LRCH3: variants seen among roughly 807,000 people sequenced by gnomAD.
LRCH3 encodes DISP complex protein LRCH3.
A neutral mutation model predicts 104.5 loss-of-function variants in LRCH3; 68 were observed. The observed-to-expected ratio is 0.65, with a 90% CI of 0.54 to 0.80. The LOEUF (loss-of-function observed/expected upper bound fraction) is 0.80. Ranked by LOEUF, LRCH3 falls within the 30% of genes least tolerant of loss-of-function variation. The pLI, the probability that LRCH3 is intolerant of heterozygous loss-of-function variation, is 0.00. For synonymous variants in LRCH3, 344 were observed against 361.3 expected (o/e 0.95, Z 0.54); for missense variants, 951 against 953.9 (o/e 1.00, Z 0.04).
rs1012481538 is a variant in LRCH3 at position 197,883,133 on chromosome 3, GTA to G, written c.2209-406_2209-405del. The G allele has an allele frequency of 1.0e-6, 1 of 986,966 alleles. No individual in the cohort carries two copies. The highest frequency in any genetic ancestry group is 1.7e-5 in the African/African-American group (1 of 57,232). The allele number at this position is 986,966 out of a possible 1,614,324, so 61.1% of individuals were successfully genotyped here. Reference sequence around the variant, plus strand: ...GGTAGGGAACTTACCCTCAAGTGTAGTATCTTTTACTCTTGAGCCATCTGGTA... The same window carrying G: ...GGTAGGGAACTTACCCTCAAGTGTAGTCTTTTACTCTTGAGCCATCTGGTA... On this transcript the variant is annotated intron_variant, in intron 20 of 20. Transcript: ENST00000425562. The surrounding 1 kb of genome is among the most constrained non-coding windows in gnomAD (Gnocchi z 4.2).
Position 197,870,204 on chromosome 3 carries a change from T to A in LRCH3, c.1918T>A (p.Ser640Thr). 6.2e-7 allele frequency: 1 copy of A among 1,612,988 alleles called. No individual in the cohort carries two copies. Residue 640 changes from serine (S) to threonine (T), a missense_variant, in exon 18 of 21, where the codon TCT becomes ACT. Transcript: ENST00000425562. ...TCCATCTGCTGCACCTACCACTGAT[T>A]CTACAGATTCCATAACAGGACAGAA... is the stretch of plus-strand genomic sequence containing the variant. ...LPPSAAPTTD[S>T]TDSITGQNSR... is the part of the protein sequence containing the mutation.
chr3:197,883,719 G>A lies in LRCH3; in HGVS notation c.*53G>A, dbSNP rs1580935608. 22 of 1,496,024 alleles carry A rather than the reference G, an allele frequency of 1.5e-5. No homozygotes were observed. The highest frequency in any genetic ancestry group is 5.0e-5 in the East Asian group (2 of 40,072). The allele number at this position is 1,496,024 out of a possible 1,614,324, so 92.7% of individuals were successfully genotyped here. ...TGGCCAAAACAAGGAACAGGACACC[G>A]TGATTGCTGCTGCCAGCTGTCTGCT... On this transcript the variant is annotated 3_prime_UTR_variant, in exon 21 of 21. Coordinates refer to ENST00000425562, the MANE Select transcript of LRCH3 (RefSeq NM_001365715.1). The surrounding 1 kb of genome is among the most constrained non-coding windows in gnomAD (Gnocchi z 4.2).
rs186554340 is a variant in LRCH3 at position 197,834,918 on chromosome 3, C to T, written c.1103-756C>T. The stretch of plus-strand genomic sequence containing the variant: ...CAGCACTTTGGGTGGCCACAGTGGG[C>T]GGATCGCTTGAGCCCAGGAGTTGGA... On this transcript the variant is annotated intron_variant, in intron 8 of 20. Coordinates refer to ENST00000425562, the MANE Select transcript of LRCH3 (RefSeq NM_001365715.1). 3.7e-3 allele frequency among the ~76,000 whole-genome samples: 561 copies of T among 152,160 alleles called. 4 individuals are homozygous for T. Among genetic ancestry groups the T allele is most frequent in the African/African-American group, 9.5e-3 (396 of 41,526 alleles).
At chr3:197,830,228 T>C (rs763376275) in intron 6 of LRCH3, among the ~76,000 whole-genome samples, 3 of 152,222 alleles carry the variant, frequency 2.0e-5, no homozygotes, top group Non-Finnish European at 4.4e-5. Flanking sequence ...GGTCATCTGC[T>C]TGGCAGTCCC....
rs1714125489 is a variant in LRCH3 at position 197,885,498 on chromosome 3, T to C, written c.*1832T>C. The C allele has an allele frequency of 6.6e-6, 1 of 152,214 alleles. No individual in the cohort carries two copies. Among genetic ancestry groups the C allele is most frequent in the African/African-American group, 2.4e-5 (1 of 41,424 alleles). The allele number at this position is 152,214 out of a possible 1,614,324, so 9.4% of individuals were successfully genotyped here. A position where few individuals can be genotyped will look rare whatever the true frequency, so the allele number is the denominator to read the frequency against. ...GGTGGTGCATGCCTGTAATCCCAGC[T>C]ACTCGGGAGGCTGAGGCAGGAGAAT... On this transcript the variant is annotated 3_prime_UTR_variant, in exon 21 of 21. Coordinates refer to ENST00000425562, the MANE Select transcript of LRCH3 (RefSeq NM_001365715.1).
chr3:197,791,350 C>A lies in LRCH3; in HGVS notation c.72C>A (p.Asn24Lys), dbSNP rs1223921867. ...EYSGTVASGG[N>K]LPGVHCGPSS... is the part of the protein sequence containing the mutation. ...CTGGCACGGTAGCGTCGGGAGGTAA[C>A]CTCCCTGGTGTTCACTGCGGCCCAA... Residue 24 changes from asparagine to lysine, a missense_variant, in exon 1 of 21, where the codon AAC becomes AAA. Transcript: ENST00000425562. 6.2e-7 allele frequency: 1 copy of A among 1,606,656 alleles called. No homozygotes were observed. Among genetic ancestry groups the A allele is most frequent in the Non-Finnish European group, 8.5e-7 (1 of 1,177,816 alleles).
chr3:197,888,135 G>C lies in LRCH3; in HGVS notation c.*4469G>C, dbSNP rs1054455298. 1 of 152,192 alleles carries C rather than the reference G, an allele frequency of 6.6e-6. No homozygotes were observed. The highest frequency in any genetic ancestry group is 1.5e-5 in the Non-Finnish European group (1 of 68,044). The allele number at this position is 152,192 out of a possible 1,614,324, so 9.4% of individuals were successfully genotyped here. ...CTATGCGAATGAGTTTGATGAATTC[G>C]TAAAAACTAAGCGCTTAAATGGTTA... is the stretch of plus-strand genomic sequence containing the variant. On this transcript the variant is annotated 3_prime_UTR_variant, in exon 21 of 21. Transcript: ENST00000425562.
intron 20 of LRCH3, among the ~76,000 whole-genome samples, chr3:197,878,427 A>T (rs1713155035): frequency 6.6e-6 from 1 of 152,128 alleles, no homozygotes; most frequent in Non-Finnish European, 1.5e-5. Context: ...TTCCTACCAG[A>T]GCTGTGCTGT....
intron 1 of LRCH3, among the ~76,000 whole-genome samples, chr3:197,807,848 C>A (rs867079070): frequency 6.6e-6 from 1 of 152,090 alleles, no homozygotes; most frequent in African/African-American, 2.4e-5. Flanking sequence ...GTTTGAGTGA[C>A]GTATAGAAAC....
rs1429034464 is a variant in LRCH3, at chr3:197,835,677, A to C, written c.1106A>C (p.Glu369Ala). ...GGTGTGTGTGTGGTGTATACAGTGG[A>C]ACATGATCTGGATCAGATTGACTAC... is the stretch of plus-strand genomic sequence containing the variant. The part of the protein sequence containing the change: ...GSLVVTNGGV[E>A]HDLDQIDYID... Residue 369 changes from glutamate to alanine, a missense_variant, in exon 9 of 21, where the codon GAA becomes GCA. Glu to Ala is a moderately radical substitution (Grantham distance 107, BLOSUM62 -1). Transcript: ENST00000425562. 1 of 1,612,608 alleles carries C rather than the reference A, an allele frequency of 6.2e-7. No homozygotes were observed. Among genetic ancestry groups the C allele is most frequent in the East Asian group, 2.2e-5 (1 of 44,830 alleles).
intron 14 of LRCH3, among the ~76,000 whole-genome samples, chr3:197,855,532 A>T (rs969318076): frequency 6.6e-6 from 1 of 152,236 alleles, no homozygotes; most frequent in Non-Finnish European, 1.5e-5. Context: ...CCAATGTCGC[A>T]TAGACAGTAA....
At chr3:197,808,508 C>G (rs564342398) in intron 1 of LRCH3, among the ~76,000 whole-genome samples, 1 of 152,304 alleles carries the variant, frequency 6.6e-6, no homozygotes, top group East Asian at 1.9e-4. Flanking sequence ...CTGCTACAGA[C>G]TCTCTCAGTT....
At chr3:197,869,552 A>G (rs867301742) in intron 17 of LRCH3, among the ~76,000 whole-genome samples, 1,619 of 128,564 alleles carry the variant, frequency 0.013, 23 homozygotes, top group African/African-American at 0.051. Flanking sequence ...GTAGAAAGCG[A>G]TGCACTGTAC....
intron 8 of LRCH3, 77 bp downstream of exon 8, chr3:197,832,394 C>T (rs1275139427): frequency 6.7e-7 from 1 of 1,487,312 alleles, no homozygotes; most frequent in East Asian, 2.3e-5. Context: ...ATACCCACTC[C>T]TTTTGTTGGT....
At chr3:197,795,350 C>T (rs991644680) in intron 1 of LRCH3, among the ~76,000 whole-genome samples, 1 of 152,138 alleles carries the variant, frequency 6.6e-6, no homozygotes, top group South Asian at 2.1e-4. Flanking sequence ...TGACTCAGGC[C>T]TAGCTAATGG....
Position 197,879,411 on chromosome 3 carries a change from C to T in LRCH3, c.2208+3636C>T, listed in dbSNP as rs576892866. 5.2e-4 allele frequency among the ~76,000 whole-genome samples: 79 copies of T among 152,170 alleles called. 1 individual carries two copies. In the South Asian group the frequency reaches 0.015, roughly 28 times the overall value. On this transcript the variant is annotated intron_variant, in intron 20 of 20. Coordinates refer to ENST00000425562, the MANE Select transcript of LRCH3 (RefSeq NM_001365715.1). ...CCTGTAATCCCAGCACTTTGGGAGG[C>T]CGAGGTGGGCGGATCACGAGGTCAG...
In LRCH3 at chr3:197,852,609, G is replaced by T. The variant is rs772338445; in HGVS notation, c.1579G>T (p.Val527Leu). The stretch of plus-strand genomic sequence containing the variant: ...AAAACAGCACCCGCTCCTAGATGGC[G>T]TAGATGGTGAGGTAAGTTGATGTAA... ...PQKQHPLLDGVDGECPFPSRR... is the reference protein window; with the variant it reads ...PQKQHPLLDGLDGECPFPSRR... Residue 527 changes from valine to leucine, a missense_variant, in exon 13 of 21, where the codon GTA becomes TTA. Coordinates refer to ENST00000425562, the MANE Select transcript of LRCH3 (RefSeq NM_001365715.1). The T allele has an allele frequency of 6.2e-7, 1 of 1,614,028 alleles. No individual in the cohort carries two copies. Among genetic ancestry groups the T allele is most frequent in the Non-Finnish European group, 8.5e-7 (1 of 1,179,916 alleles).
chr3:197,875,930 C>T lies in LRCH3; in HGVS notation c.2208+155C>T. The T allele has an allele frequency of 8.3e-6, 4 of 483,556 alleles. No homozygotes were observed. In the East Asian group the frequency reaches 1.3e-4, roughly 16 times the overall value. 30.0% of individuals were successfully genotyped at this position (483,556 alleles called of 1,614,324 possible). A position where few individuals can be genotyped will look rare whatever the true frequency, so the allele number is the denominator to read the frequency against. ...TTACAAGAGTCAGTGTACTTTTGAA[C>T]AGTTTTCCTTGATTATTTCCAAGGA... On this transcript the variant is annotated intron_variant, in intron 20 of 20. Coordinates refer to ENST00000425562, the MANE Select transcript of LRCH3 (RefSeq NM_001365715.1).
At chr3:197,837,934 C>T (rs1737090625) in intron 9 of LRCH3, among the ~76,000 whole-genome samples, 2 of 151,904 alleles carry the variant, frequency 1.3e-5, no homozygotes, top group Admixed American at 6.6e-5. Context: ...ATGGCAGGTG[C>T]CTGTAATCCC....
Sources: allele counts gnomAD v4.1 joint callset (sites outside exome capture counted in the v4.1 genomes callset), GRCh38; gene constraint gnomAD v4.1.1; non-coding constraint Gnocchi (gnomAD v3.1); transcripts MANE v1.5; gene names NCBI Gene and HGNC (gene_info 2026-07-23, HGNC 2026-07-21).